Variants in GALNTL5 observed in about 807,000 individuals in gnomAD.
GALNTL5 encodes polypeptide N-acetylgalactosaminyltransferase like 5.
In GALNTL5, 44 loss-of-function variants were observed where a neutral mutation model predicts 51.0. The observed-to-expected ratio is 0.86, with a 90% CI of 0.68 to 1.11. GALNTL5 has a LOEUF of 1.11. Among genes scored for constraint, GALNTL5 ranks in the 50% least tolerant of loss-of-function variants. GALNTL5 has a pLI of 0.00. For synonymous variants in GALNTL5, 192 were observed against 182.8 expected (o/e 1.05, Z -0.41); for missense variants, 528 against 531.8 (o/e 0.99, Z 0.07).
chr7:152,014,859 C>T (rs2081786759), intron 8 of GALNTL5, 66 bp downstream of exon 8: 1 of 1,402,162 alleles, frequency 7.1e-7, no homozygotes, highest in Non-Finnish European at 9.6e-7. Flanking sequence ...TCTGAGGAAG[C>T]CTGCTGCTGC....
chr7:151,971,822 TTC>T (rs34094897), intron 3 of GALNTL5, among the ~76,000 whole-genome samples: 49 of 149,498 alleles, frequency 3.3e-4, no homozygotes, highest in Non-Finnish European at 3.1e-4. Flanking sequence ...TTCCCCTGCA[TTC>T]TCTCTCTCTC....
In GALNTL5 at chr7:151,971,543, C is replaced by G. The variant is rs1440542707; in HGVS notation, c.368+478C>G. The stretch of plus-strand genomic sequence containing the variant: ...ATAACATAAAATTTGCCATTTTAAT[C>G]CTCTTTAAATGTACAATACAGACAT... On this transcript the variant is annotated intron_variant, in intron 3 of 8. Transcript: ENST00000392800. 2.2e-4 allele frequency among the ~76,000 whole-genome samples: 33 copies of G among 152,034 alleles called. 1 individual carries two copies. Among genetic ancestry groups the G allele is most frequent in the Admixed American group, 2.2e-3 (33 of 15,266 alleles).
chr7:152,013,423 A>G (rs2081764927), intron 7 of GALNTL5, among the ~76,000 whole-genome samples: 1 of 152,118 alleles, frequency 6.6e-6, no homozygotes, highest in South Asian at 2.1e-4. Flanking sequence ...CTTTTGCTGT[A>G]TAACAAACTA....
chr7:152,018,042 C>A (rs2081842002), intron 8 of GALNTL5, among the ~76,000 whole-genome samples: 1 of 152,166 alleles, frequency 6.6e-6, no homozygotes, highest in South Asian at 2.1e-4. Flanking sequence ...GACGGGGTTT[C>A]ACCATATTGG....
At chr7:152,015,339 GC>G (rs1406010778) in intron 8 of GALNTL5, among the ~76,000 whole-genome samples, 2 of 149,412 alleles carry the variant, frequency 1.3e-5, no homozygotes, top group African/African-American at 4.9e-5. Flanking sequence ...GCTTCTCCTT[GC>G]CCCGTCCCCA....
intron 3 of GALNTL5, among the ~76,000 whole-genome samples, chr7:151,975,705 T>C (rs753644195): frequency 5.3e-5 from 8 of 152,170 alleles, no homozygotes; most frequent in Non-Finnish European, 8.8e-5. Context: ...TTTATTCCTA[T>C]AATTCCAAAA....
rs751458968 is a variant in GALNTL5, at chr7:152,002,742, C to G, written c.687C>G (p.His229Gln). Residue 229 changes from histidine to glutamine, a missense_variant, in exon 6 of 9, where the codon CAC (histidine) becomes CAG (glutamine). By Grantham distance (24) the His-to-Gln change is conservative. Coordinates refer to ENST00000392800, the MANE Select transcript of GALNTL5 (RefSeq NM_145292.4). ...SGDVLVFLDSHCEVNRVWLEP... is the reference protein window; with the variant it reads ...SGDVLVFLDSQCEVNRVWLEP... ...ATGTTCTGGTGTTCCTGGACAGCCACTGTGAGGTGAACAGAGTATGGCTGG... is the reference window on the plus strand; with the variant it reads ...ATGTTCTGGTGTTCCTGGACAGCCAGTGTGAGGTGAACAGAGTATGGCTGG... 6.2e-7 allele frequency: 1 copy of G among 1,614,040 alleles called. No individual in the cohort carries two copies. The highest frequency in any genetic ancestry group is 2.2e-5 in the East Asian group (1 of 44,892).
At chr7:151,983,532 C>CA (rs1295580534) in intron 4 of GALNTL5, among the ~76,000 whole-genome samples, 7 of 152,114 alleles carry the variant, frequency 4.6e-5, no homozygotes, top group South Asian at 2.1e-4. Context: ...GTATTTTGTA[C>CA]AAAAAAATCT....
At chr7:151,980,334 T>G (rs939929111) in intron 3 of GALNTL5, among the ~76,000 whole-genome samples, 1 of 152,222 alleles carries the variant, frequency 6.6e-6, no homozygotes, top group Non-Finnish European at 1.5e-5. Flanking sequence ...TCTGCCCGCC[T>G]TGGCCTCCCA....
At chr7:151,997,775 T>G (rs2081518668) in intron 5 of GALNTL5, among the ~76,000 whole-genome samples, 1 of 152,206 alleles carries the variant, frequency 6.6e-6, no homozygotes, top group Admixed American at 6.5e-5. Context: ...GAAAAAAGAC[T>G]TTTAAAATGT....
chr7:151,998,001 A>G (rs2081521412), intron 5 of GALNTL5, among the ~76,000 whole-genome samples: 1 of 152,174 alleles, frequency 6.6e-6, no homozygotes, highest in South Asian at 2.1e-4. Flanking sequence ...CAGGAGTTCT[A>G]AGACCAGCCT....
intron 5 of GALNTL5, chr7:151,995,246 C>A (rs2081482627): frequency 2.6e-5 from 4 of 151,740 alleles, no homozygotes; most frequent in Non-Finnish European, 5.9e-5. Flanking sequence ...ATGGATAACC[C>A]CGCAGAGGAG....
At chr7:151,967,515 C>T (rs533285748) in intron 2 of GALNTL5, 22 bp downstream of exon 2, 15 of 1,601,682 alleles carry the variant, frequency 9.4e-6, no homozygotes, top group African/African-American at 6.7e-5. Context: ...GATTTTTTTC[C>T]GTTAGCCATT....
chr7:151,996,038 A>C (rs2081494898), intron 5 of GALNTL5, among the ~76,000 whole-genome samples: 1 of 152,150 alleles, frequency 6.6e-6, no homozygotes, highest in East Asian at 1.9e-4. Flanking sequence ...TTAATAGTAT[A>C]GTTGCTTCGA....
intron 5 of GALNTL5, among the ~76,000 whole-genome samples, chr7:151,994,098 C>A (rs777800683): frequency 6.6e-6 from 1 of 152,184 alleles, no homozygotes; most frequent in Non-Finnish European, 1.5e-5. Context: ...GCACCTACTT[C>A]TCCTGGCCCT....
intron 3 of GALNTL5, among the ~76,000 whole-genome samples, chr7:151,981,291 C>T (rs1189750236): frequency 1.3e-5 from 2 of 152,202 alleles, no homozygotes; most frequent in Non-Finnish European, 2.9e-5. Context: ...AATGCGCCTT[C>T]TATCTGAATA....
chr7:151,992,719 T>G (rs1255725780), intron 5 of GALNTL5, among the ~76,000 whole-genome samples: 1 of 152,162 alleles, frequency 6.6e-6, no homozygotes, highest in Non-Finnish European at 1.5e-5. Flanking sequence ...GAAAATATCG[T>G]TTTGGGGAAC....
At chr7:151,989,820 A>G (rs116412455) in intron 5 of GALNTL5, among the ~76,000 whole-genome samples, 1,597 of 152,228 alleles carry the variant, frequency 0.01, 16 homozygotes, top group African/African-American at 0.024. Context: ...CCAGCCATCA[A>G]ATTTTTTCAT....
intron 8 of GALNTL5, among the ~76,000 whole-genome samples, chr7:152,015,536 T>G (rs561918516): frequency 6.6e-6 from 1 of 152,062 alleles, no homozygotes; most frequent in Admixed American, 6.5e-5. Context: ...ATTTTTGTAT[T>G]TTTAGTAGAG....
Sources: gnomAD v4.1 joint callset for allele counts (sites outside exome capture counted in the v4.1 genomes callset) on GRCh38, gnomAD v4.1.1 for gene constraint, MANE v1.5 for transcripts, NCBI Gene and HGNC (gene_info 2026-07-23, HGNC 2026-07-21) for gene names.